Variants in RIF1 observed in about 807,000 individuals in gnomAD.
The protein encoded by RIF1 is telomere-associated protein RIF1.
A neutral mutation model predicts 247.1 loss-of-function variants in RIF1; 45 were observed. The ratio of observed to expected loss-of-function variants is 0.18; its 90% CI spans 0.14 to 0.23. The LOEUF (loss-of-function observed/expected upper bound fraction) is 0.23, where lower values mean the gene tolerates loss of function less well. Among genes scored for constraint, RIF1 ranks in the 10% least tolerant of loss-of-function variants. The pLI is 1.00. For missense variants in RIF1, 2,967 were observed against 2,862.5 expected (o/e 1.04, Z -0.83); for synonymous variants, 1,087 against 978.8 (o/e 1.11, Z -2.06).
chr2:151,486,002 G>T (rs748407608), downstream of RIF1: 18 of 1,488,144 alleles, frequency 1.2e-5, no homozygotes, highest in Middle Eastern at 1.7e-4. Flanking sequence ...ACATCTATTT[G>T]TAAGATCTCT....
chr2:151,517,715 G>T, the RIF1 span, among the ~76,000 whole-genome samples: 4 of 152,142 alleles, frequency 2.6e-5, no homozygotes, highest in African/African-American at 9.7e-5. Context: ...GTAGGCACTT[G>T]TAACACAAGA....
chr2:151,517,509 T>C, the RIF1 span, among the ~76,000 whole-genome samples: 34 of 152,338 alleles, frequency 2.2e-4, no homozygotes, highest in African/African-American at 7.9e-4. Flanking sequence ...GAATCTTCAA[T>C]TATAGTCATG....
At chr2:151,468,374 TGAAC>T in intron 31 of RIF1, 96 bp from the exon 32 acceptor site, 1 of 1,054,108 alleles carries the variant, frequency 9.5e-7, no homozygotes, top group South Asian at 1.4e-5. Context: ...TTATGTTTTT[TGAAC>T]TTTTAAAGAA....
At chr2:151,444,867 A>G (rs756911999) in intron 18 of RIF1, among the ~76,000 whole-genome samples, 3 of 152,132 alleles carry the variant, frequency 2.0e-5, no homozygotes, top group Non-Finnish European at 2.9e-5. Flanking sequence ...GTGACTTAAA[A>G]CTACAGGGAT....
At position 151,430,678 on chromosome 2, in the gene RIF1, C is replaced by G. The variant is rs375067653; in HGVS notation, c.925+1756C>G. Among the ~76,000 whole-genome samples, 7 of 151,530 alleles carry G rather than the reference C, an allele frequency of 4.6e-5. No individual in the cohort carries two copies. In the East Asian group the frequency reaches 9.8e-4, roughly 21 times the overall value. ...TTTGGGGGCATAGTTTCCCCCCCTC[C>G]CCCCACTTAGGGTCTTGCCCTGTCA... On this transcript the variant is annotated intron_variant, in intron 9 of 35. Coordinates refer to ENST00000444746, the MANE Select transcript of RIF1 (RefSeq NM_018151.5).
intron 11 of RIF1, chr2:151,501,266 C>T: frequency 1.7e-6 from 1 of 603,176 alleles, no homozygotes; most frequent in Non-Finnish European, 2.9e-6. Flanking sequence ...CAGAAGGATT[C>T]AGTTGATGTG....
the RIF1 span, among the ~76,000 whole-genome samples, chr2:151,523,224 A>G: frequency 1.3e-5 from 2 of 152,190 alleles, no homozygotes; most frequent in Non-Finnish European, 2.9e-5. Flanking sequence ...AAATACTTAT[A>G]CAATTCCATT....
intron 31 of RIF1, 91 bp from the exon 32 acceptor site, chr2:151,468,383 A>G (rs918391875): frequency 9.0e-7 from 1 of 1,112,144 alleles, no homozygotes; most frequent in African/African-American, 1.6e-5. Context: ...TTGAACTTTT[A>G]AAGAAATGAT....
rs1210940090 is a variant in RIF1 at position 151,479,156 on chromosome 2, G to A, written c.*4085G>A. ...ATGGGCCTAAGAGGCTTCAGGCTGT[G>A]TTTTAGGTTTTGGTAAGCCAGGCAG... On this transcript the variant is annotated 3_prime_UTR_variant, in exon 36 of 36. Transcript: ENST00000444746. 6.6e-6 allele frequency: 1 copy of A among 152,174 alleles called. No individual in the cohort carries two copies. The highest frequency in any genetic ancestry group is 1.5e-5 in the Non-Finnish European group (1 of 68,014). The allele number at this position is 152,174 out of a possible 1,614,324, so 9.4% of individuals were successfully genotyped here. A position where few individuals can be genotyped will look rare whatever the true frequency, so the allele number is the denominator to read the frequency against.
chr2:151,533,378 C>T, the RIF1 span: 97 of 1,039,106 alleles, frequency 9.3e-5, no homozygotes, highest in Middle Eastern at 1.2e-3. Context: ...TCAATGAAAG[C>T]ATACAAGGGA....
chr2:151,531,687 C>A, the RIF1 span: 1 of 845,134 alleles, frequency 1.2e-6, no homozygotes, highest in Non-Finnish European at 2.0e-6. Context: ...CTCCCTCCCA[C>A]TAAATGGCAG....
intron 9 of RIF1, chr2:151,491,345 C>T: frequency 4.6e-6 from 1 of 215,086 alleles, no homozygotes; most frequent in Non-Finnish European, 9.5e-6. Flanking sequence ...CAGGAAGTTC[C>T]TACAGGTCAA....
chr2:151,494,336 T>C (rs2152879866), intron 9 of RIF1: 3 of 948,664 alleles, frequency 3.2e-6, no homozygotes, highest in Middle Eastern at 2.1e-4. Context: ...AGATAACTTT[T>C]GATTATCTTT....
At chr2:151,435,848 A>G (rs901101066) in intron 11 of RIF1, among the ~76,000 whole-genome samples, 1 of 151,340 alleles carries the variant, frequency 6.6e-6, no homozygotes. Context: ...TCAGTACATT[A>G]TGTGAGGTGC....
At chr2:151,504,045 A>G (rs1303088172) in intron 12 of RIF1, among the ~76,000 whole-genome samples, 1 of 152,090 alleles carries the variant, frequency 6.6e-6, no homozygotes, top group Non-Finnish European at 1.5e-5. Flanking sequence ...AGAAGTCCAT[A>G]TTTTTTAGTA....
At chr2:151,426,517 C>A (rs756096357) in intron 8 of RIF1, among the ~76,000 whole-genome samples, 4 of 151,824 alleles carry the variant, frequency 2.6e-5, no homozygotes, top group Non-Finnish European at 5.9e-5. Flanking sequence ...ATTTGACGAT[C>A]GACTTCTTTA....
At chr2:151,467,918 G>A (rs1349976385) in intron 30 of RIF1, 82 bp from the exon 31 acceptor site, 1 of 1,360,544 alleles carries the variant, frequency 7.3e-7, no homozygotes, top group African/African-American at 1.5e-5. Context: ...TCTATTTTTG[G>A]GTAACCTCAT....
intron 9 of RIF1, among the ~76,000 whole-genome samples, chr2:151,489,666 G>A (rs959061830): frequency 6.6e-6 from 1 of 152,142 alleles, no homozygotes; most frequent in African/African-American, 2.4e-5. Context: ...CAAAGTGCTG[G>A]CATTATAGGC....
chr2:151,534,248 C>T, the RIF1 span: 2 of 1,613,680 alleles, frequency 1.2e-6, no homozygotes, highest in Non-Finnish European at 1.7e-6. Context: ...TCTTAGCCAG[C>T]AGATGTCTAG....
Sources: gnomAD v4.1 joint callset for allele counts (sites outside exome capture counted in the v4.1 genomes callset) on GRCh38, gnomAD v4.1.1 for gene constraint, MANE v1.5 for transcripts, NCBI Gene and HGNC (gene_info 2026-07-23, HGNC 2026-07-21) for gene names.